Variants in MYO16 observed in about 807,000 individuals in gnomAD.
MYO16 encodes myosin XVI.
Under a neutral mutation model 205.3 loss-of-function variants are expected in MYO16, and 94 were observed. The ratio of observed to expected loss-of-function variants is 0.46; its 90% confidence interval spans 0.39 to 0.54. MYO16 has a LOEUF of 0.54. MYO16 is among the 20% of genes least tolerant of loss of function. The pLI, the probability that MYO16 is intolerant of heterozygous loss-of-function variation, is 0.00. For synonymous variants in MYO16, 988 were observed against 954.0 expected, an observed-to-expected ratio of 1.04 and a Z score of -0.66; for missense variants, 2,315 against 2,387.5, an observed-to-expected ratio of 0.97 and a Z score of 0.63.
chr13:109,110,989 T>C (rs569048099), intron 28 of MYO16, among the ~76,000 whole-genome samples: 1 of 151,238 alleles, frequency 6.6e-6, no homozygotes, highest in African/African-American at 2.4e-5. Flanking sequence ...GGTGAATGAA[T>C]GAATGAACTA....
intron 10 of MYO16, among the ~76,000 whole-genome samples, chr13:108,853,429 A>G (rs1303129220): frequency 1.3e-5 from 2 of 152,216 alleles, no homozygotes; most frequent in African/African-American, 4.8e-5. Context: ...AACTAATTTT[A>G]GGAAAACTAT....
At chr13:108,744,486 T>G (rs1884999902) in intron 4 of MYO16, among the ~76,000 whole-genome samples, 1 of 152,258 alleles carries the variant, frequency 6.6e-6, no homozygotes, top group Admixed American at 6.5e-5. Flanking sequence ...TGCTTTATTG[T>G]TCCTCTCACG....
chr13:109,026,230 G>T (rs923554566), intron 23 of MYO16, among the ~76,000 whole-genome samples: 7 of 152,092 alleles, frequency 4.6e-5, no homozygotes, highest in Non-Finnish European at 7.4e-5. Context: ...TGGAAAAAGG[G>T]TCTTCATTTA....
intron 4 of MYO16, among the ~76,000 whole-genome samples, chr13:108,754,345 A>C (rs995121239): frequency 6.6e-6 from 1 of 152,216 alleles, no homozygotes; most frequent in Admixed American, 6.5e-5. Flanking sequence ...AGAATATCTA[A>C]GAGATTGCTT....
chr13:108,867,262 A>C (rs1461883379), intron 12 of MYO16, among the ~76,000 whole-genome samples: 1 of 152,162 alleles, frequency 6.6e-6, no homozygotes, highest in Non-Finnish European at 1.5e-5. Flanking sequence ...GCTACTCAGG[A>C]GGCTGAGGCA....
chr13:108,672,524 G>T (rs1447507164), intron 2 of MYO16, among the ~76,000 whole-genome samples: 2 of 151,404 alleles, frequency 1.3e-5, no homozygotes, highest in Non-Finnish European at 2.9e-5. Flanking sequence ...AGTAATTCAG[G>T]ATTTTTTTTG....
chr13:109,027,263 C>G (rs1235901462), intron 23 of MYO16, among the ~76,000 whole-genome samples: 1 of 152,178 alleles, frequency 6.6e-6, no homozygotes, highest in South Asian at 2.1e-4. Context: ...TGTGTTCTCT[C>G]CTCTTCTCAC....
chr13:108,694,118 C>T (rs183139173), intron 2 of MYO16, among the ~76,000 whole-genome samples: 13 of 152,280 alleles, frequency 8.5e-5, no homozygotes, highest in Middle Eastern at 3.4e-3. Context: ...CATTGATGAG[C>T]ATTTAGGTTG....
At chr13:108,541,982 A>G in the MYO16 span, among the ~76,000 whole-genome samples, 2 of 152,216 alleles carry the variant, frequency 1.3e-5, no homozygotes, top group Non-Finnish European at 2.9e-5. Flanking sequence ...AAGGAATACA[A>G]ATCATCTTAT....
chr13:108,885,279 C>T (rs1012822549), intron 13 of MYO16, among the ~76,000 whole-genome samples: 1 of 152,182 alleles, frequency 6.6e-6, no homozygotes, highest in African/African-American at 2.4e-5. Flanking sequence ...GCCACCACGC[C>T]CGGCTAATTT....
At chr13:108,954,784 G>A (rs1883285388) in intron 16 of MYO16, among the ~76,000 whole-genome samples, 1 of 152,144 alleles carries the variant, frequency 6.6e-6, no homozygotes, top group Non-Finnish European at 1.5e-5. Context: ...AAGGTTTATA[G>A]ATTGCAGACA....
At chr13:108,828,456 A>G (rs1458919753) in intron 9 of MYO16, among the ~76,000 whole-genome samples, 1 of 152,114 alleles carries the variant, frequency 6.6e-6, no homozygotes, top group African/African-American at 2.4e-5. Context: ...TTACTGAAGT[A>G]CAAAATGTGG....
rs558618634 is a variant in MYO16 at position 108,984,548 on chromosome 13, A to G, written c.2370-7828A>G. 8.5e-5 allele frequency among the ~76,000 whole-genome samples: 13 copies of G among 152,268 alleles called. No homozygotes were observed. In the South Asian group the frequency reaches 2.5e-3, roughly 29 times the overall value. On this transcript the variant is annotated intron_variant, in intron 20 of 34. Transcript: ENST00000457511. ...TGGTAATCATACCTTTTCTTTGACA[A>G]TCACAGAAATCTTCCACCCCACCTA... is the stretch of plus-strand genomic sequence containing the variant.
At chr13:109,069,286 T>G (rs1426276454) in intron 27 of MYO16, among the ~76,000 whole-genome samples, 1 of 152,194 alleles carries the variant, frequency 6.6e-6, no homozygotes, top group Admixed American at 6.5e-5. Flanking sequence ...CCTTTCTGAG[T>G]TAAATGTCCA....
chr13:108,504,012 T>TA, the MYO16 span, among the ~76,000 whole-genome samples: 5 of 152,194 alleles, frequency 3.3e-5, no homozygotes, highest in African/African-American at 7.2e-5. Context: ...TAAATTGTGG[T>TA]AAAAAACACA....
chr13:109,135,900 TTCC>T (rs2139794984), intron 31 of MYO16, among the ~76,000 whole-genome samples: 1 of 152,310 alleles, frequency 6.6e-6, no homozygotes, highest in South Asian at 2.1e-4. Flanking sequence ...GTGGTTTTGC[TTCC>T]TTGAAAAGAC....
chr13:108,574,708 T>TGTGTGTGTGTGTGCGC, the MYO16 span, among the ~76,000 whole-genome samples: 11 of 81,782 alleles, frequency 1.3e-4, no homozygotes, highest in African/African-American at 4.3e-4. Flanking sequence ...TGTGTGTGTG[T>TGTGTGTGTGTGTGCGC]GCGCTTGTGT....
intron 9 of MYO16, among the ~76,000 whole-genome samples, chr13:108,837,169 G>A (rs1876973342): frequency 6.6e-6 from 1 of 152,154 alleles, no homozygotes; most frequent in Non-Finnish European, 1.5e-5. Context: ...TCATGATAGT[G>A]AGTGGAGTGC....
the MYO16 span, among the ~76,000 whole-genome samples, chr13:108,549,468 G>A: frequency 0.016 from 2,383 of 151,832 alleles, 55 homozygotes; most frequent in African/African-American, 0.054. Context: ...CACTGTAACT[G>A]TAAAATAATA....
Sources: allele counts gnomAD v4.1 joint callset (sites outside exome capture counted in the v4.1 genomes callset), GRCh38; gene constraint gnomAD v4.1.1; transcripts MANE v1.5; gene names NCBI Gene and HGNC (gene_info 2026-07-23, HGNC 2026-07-21).